Variants in FRMD4A observed in about 807,000 individuals in gnomAD.
The protein encoded by FRMD4A is FERM domain containing 4A.
In FRMD4A, 29 loss-of-function variants were observed where a neutral mutation model predicts 129.1. The observed-to-expected ratio is 0.22, with a 90% CI of 0.17 to 0.31. FRMD4A has a LOEUF of 0.31. Among genes scored for constraint, FRMD4A ranks in the 10% least tolerant of loss-of-function variants. The pLI, the probability that FRMD4A is intolerant of heterozygous loss-of-function variation, is 1.00. For missense variants in FRMD4A, 1,272 were observed against 1,375.8 expected (o/e 0.92, Z 1.19); for synonymous variants, 634 against 571.6 (o/e 1.11, Z -1.56).
intron 2 of FRMD4A, among the ~76,000 whole-genome samples, chr10:14,165,880 G>T (rs909135842): frequency 5.3e-5 from 8 of 152,110 alleles, no homozygotes; most frequent in African/African-American, 1.9e-4. Context: ...GTGGGGCAAG[G>T]ACTGAAAATC....
intron 2 of FRMD4A, among the ~76,000 whole-genome samples, chr10:14,070,122 C>T (rs1835250495): frequency 6.6e-6 from 1 of 152,086 alleles, no homozygotes; most frequent in African/African-American, 2.4e-5. Context: ...GTCTCTCTGT[C>T]CCCACACTGT....
At position 13,714,034 on chromosome 10, in the gene FRMD4A, ATATATATAT is replaced by A. The variant is rs1165975861; in HGVS notation, c.760-6930_760-6922del. On this transcript the variant is annotated intron_variant, in intron 12 of 24. Coordinates refer to ENST00000357447, the MANE Select transcript of FRMD4A (RefSeq NM_018027.5). ...ATACATATATAAAATATACATATAT[ATATATATAT>A]ATATATATATATATATAAAATATAC... Among the ~76,000 whole-genome samples, 8 of 11,114 alleles carry A rather than the reference ATATATATAT, an allele frequency of 7.2e-4. 2 individuals carry two copies. The highest frequency in any genetic ancestry group is 2.3e-3 in the Admixed American group (2 of 880). 7.3% of individuals were successfully genotyped at this position (11,114 alleles called of 152,430 possible).
rs541000965 is a variant in FRMD4A, at chr10:13,818,342, T to A, written c.112-7434A>T. 4.3e-3 allele frequency among the ~76,000 whole-genome samples: 647 copies of A among 151,680 alleles called. 7 individuals are homozygous for A. In the South Asian group the frequency reaches 0.046, roughly 11 times the overall value. On this transcript the variant is annotated intron_variant, in intron 3 of 24. Coordinates refer to ENST00000357447, the MANE Select transcript of FRMD4A (RefSeq NM_018027.5). ...CCATGGCTGGCTAATTAAAAAAAAA[T>A]TTTTTTTTGTAAAGATGGATTCTTT...
At chr10:14,029,942 A>C (rs915149797) in intron 2 of FRMD4A, among the ~76,000 whole-genome samples, 1 of 152,190 alleles carries the variant, frequency 6.6e-6, no homozygotes, top group Non-Finnish European at 1.5e-5. Flanking sequence ...CATTTATTGA[A>C]GAGATTGTCT....
At chr10:14,116,342 G>C (rs1193226856) in intron 2 of FRMD4A, among the ~76,000 whole-genome samples, 1 of 152,224 alleles carries the variant, frequency 6.6e-6, no homozygotes, top group Middle Eastern at 3.2e-3. Flanking sequence ...ATGCACACTG[G>C]TGGGTGGTTT....
chr10:14,055,462 A>AAACACACAC (rs1834476848), intron 2 of FRMD4A, among the ~76,000 whole-genome samples: 8 of 77,430 alleles, frequency 1.0e-4, no homozygotes, highest in African/African-American at 4.0e-4. Flanking sequence ...CACACACACA[A>AAACACACAC]ACACACACAC....
At chr10:13,926,748 A>T (rs2095137822) in intron 2 of FRMD4A, among the ~76,000 whole-genome samples, 1 of 152,238 alleles carries the variant, frequency 6.6e-6, no homozygotes, top group African/African-American at 2.4e-5. Flanking sequence ...AATGTGCCCT[A>T]CACGACAATG....
chr10:14,244,875 A>T (rs1844177772), intron 2 of FRMD4A, among the ~76,000 whole-genome samples: 2 of 152,330 alleles, frequency 1.3e-5, no homozygotes, highest in South Asian at 4.1e-4. Context: ...ATGCACCATG[A>T]GTCATTTCCT....
intron 2 of FRMD4A, among the ~76,000 whole-genome samples, chr10:14,307,592 C>T (rs879803372): frequency 2.0e-5 from 3 of 152,180 alleles, no homozygotes; most frequent in Non-Finnish European, 4.4e-5. Flanking sequence ...CAGCTAACTA[C>T]GGAAGGAAAC....
Position 14,319,367 on chromosome 10 carries a change from T to TCTCTCTCTCTCTCTCTCTCTCTCTCA in FRMD4A, c.45+10690_45+10691insTGAGAGAGAGAGAGAGAGAGAGAGAG, listed in dbSNP as rs112041665. On this transcript the variant is annotated intron_variant, in intron 2 of 24. Coordinates refer to ENST00000357447, the MANE Select transcript of FRMD4A (RefSeq NM_018027.5). ...TCTCTCTCCTCTCTCTCTCTCTCTC[T>TCTCTCTCTCTCTCTCTCTCTCTCTCA]CACACACACACACACACACATGATA... Among the ~76,000 whole-genome samples, 575 of 145,034 alleles carry TCTCTCTCTCTCTCTCTCTCTCTCTCA rather than the reference T, an allele frequency of 4.0e-3. 4 individuals are homozygous for TCTCTCTCTCTCTCTCTCTCTCTCTCA. Among genetic ancestry groups the TCTCTCTCTCTCTCTCTCTCTCTCTCA allele is most frequent in the African/African-American group, 0.01 (388 of 37,096 alleles).
Position 13,646,793 on chromosome 10 carries a change from GA to G in FRMD4A, c.*244del. On this transcript the variant is annotated 3_prime_UTR_variant, in exon 25 of 25. Coordinates refer to ENST00000357447, the MANE Select transcript of FRMD4A (RefSeq NM_018027.5). ...TCTCCTCAGTCAGGTTTTCAAGGGGGAGGGAATGCGGAGACAGGAGAAAAAA... is the reference window on the plus strand; with the variant it reads ...TCTCCTCAGTCAGGTTTTCAAGGGGGGGGAATGCGGAGACAGGAGAAAAAA... The G allele has an allele frequency of 6.5e-6, 1 of 153,770 alleles. No homozygotes were observed. The highest frequency in any genetic ancestry group is 1.5e-5 in the Non-Finnish European group (1 of 68,920). The allele number at this position is 153,770 out of a possible 1,614,324, so 9.5% of individuals were successfully genotyped here.
At chr10:13,840,788 C>CAAAA (rs36070515) in intron 3 of FRMD4A, among the ~76,000 whole-genome samples, 1 of 57,240 alleles carries the variant, frequency 1.7e-5, no homozygotes, top group African/African-American at 7.5e-5. Flanking sequence ...GACTCTGTCT[C>CAAAA]AAAAAAAAAA....
chr10:13,679,474 T>TATATACACACACACACACACACACAC lies in FRMD4A; in HGVS notation c.1118-4431_1118-4430insGTGTGTGTGTGTGTGTGTGTGTATAT, dbSNP rs1308155926. 1.7e-3 allele frequency among the ~76,000 whole-genome samples: 52 copies of TATATACACACACACACACACACACAC among 31,458 alleles called. 1 individual carries two copies. Among genetic ancestry groups the TATATACACACACACACACACACACAC allele is most frequent in the Non-Finnish European group, 1.8e-3 (35 of 19,192 alleles). The allele number at this position is 31,458 out of a possible 152,430, so 20.6% of individuals were successfully genotyped here. ...AAAAAAAAAAAAATATATATATATA[T>TATATACACACACACACACACACACAC]ACACACACACACACACACACACACA... On this transcript the variant is annotated intron_variant, in intron 15 of 24. Coordinates refer to ENST00000357447, the MANE Select transcript of FRMD4A (RefSeq NM_018027.5).
chr10:13,989,517 TGG>T (rs2095595967), intron 2 of FRMD4A, among the ~76,000 whole-genome samples: 1 of 152,168 alleles, frequency 6.6e-6, no homozygotes, highest in South Asian at 2.1e-4. Context: ...TTAGTAGAGA[TGG>T]GGTTTCACCA....
At chr10:14,299,719 C>G (rs998528062) in intron 2 of FRMD4A, among the ~76,000 whole-genome samples, 2 of 152,154 alleles carry the variant, frequency 1.3e-5, no homozygotes, top group African/African-American at 4.8e-5. Flanking sequence ...AGACAAGACA[C>G]ATCAACTACC....
At chr10:14,320,719 A>G (rs1218430) in intron 2 of FRMD4A, among the ~76,000 whole-genome samples, 129,423 of 152,298 alleles carry the variant, frequency 0.85, 55,246 homozygotes, top group Non-Finnish European at 0.88. Context: ...GCCATGCACT[A>G]TACTCACCAA....
intron 15 of FRMD4A, chr10:13,685,223 A>G: frequency 1.0e-6 from 1 of 983,876 alleles, no homozygotes; most frequent in Non-Finnish European, 1.2e-6. Context: ...CATTTCAGAG[A>G]GCATTGAAAT....
intron 2 of FRMD4A, among the ~76,000 whole-genome samples, chr10:14,108,955 T>A (rs1399224934): frequency 6.6e-6 from 1 of 152,234 alleles, no homozygotes; most frequent in East Asian, 1.9e-4. Context: ...CATGTAATTT[T>A]TCACACTTTT....
At chr10:14,105,882 T>C (rs1019199480) in intron 2 of FRMD4A, among the ~76,000 whole-genome samples, 3 of 152,210 alleles carry the variant, frequency 2.0e-5, no homozygotes, top group Admixed American at 2.0e-4. Flanking sequence ...GTTTCCTGTA[T>C]TTCTTGTAAA....
Sources: gnomAD v4.1 joint callset for allele counts (sites outside exome capture counted in the v4.1 genomes callset) on GRCh38, gnomAD v4.1.1 for gene constraint, MANE v1.5 for transcripts, NCBI Gene and HGNC (gene_info 2026-07-23, HGNC 2026-07-21) for gene names.